MKRN2: variants seen among roughly 807,000 people sequenced by gnomAD.
MKRN2 encodes E3 ubiquitin-protein ligase makorin-2.
A neutral mutation model predicts 45.4 loss-of-function variants in MKRN2; 32 were observed. The ratio of observed to expected loss-of-function variants is 0.70; its 90% CI spans 0.53 to 0.95. The LOEUF is 0.95. MKRN2 is among the 40% of genes least tolerant of loss of function. The pLI, the probability that MKRN2 is intolerant of heterozygous loss-of-function variation, is 0.00. For synonymous variants in MKRN2, 206 were observed against 192.4 expected (o/e 1.07, Z -0.59); for missense variants, 526 against 536.7 (o/e 0.98, Z 0.20).
intron 1 of MKRN2, among the ~76,000 whole-genome samples, chr3:12,563,378 T>C (rs1444228386): frequency 6.6e-6 from 1 of 152,104 alleles, no homozygotes; most frequent in African/African-American, 2.4e-5. Flanking sequence ...TTGGGGCGGA[T>C]GTGCAGCATG....
At chr3:12,563,551 A>G (rs1301591487) in intron 1 of MKRN2, among the ~76,000 whole-genome samples, 1 of 138,714 alleles carries the variant, frequency 7.2e-6, no homozygotes, top group Non-Finnish European at 1.5e-5. Context: ...GTGCAGTGGC[A>G]CGATCTCGGC....
chr3:12,579,006 G>T (rs375929919), intron 6 of MKRN2, among the ~76,000 whole-genome samples: 14 of 152,040 alleles, frequency 9.2e-5, no homozygotes, highest in African/African-American at 3.1e-4. Context: ...GTAGAAAGGG[G>T]CTCTGCTGAA....
intron 6 of MKRN2, among the ~76,000 whole-genome samples, chr3:12,577,586 A>T (rs1162048661): frequency 6.6e-6 from 1 of 152,032 alleles, no homozygotes; most frequent in Admixed American, 6.5e-5. Flanking sequence ...GATTCTTCGT[A>T]TGTCTAGTAA....
At chr3:12,569,120 A>G (rs2058084540) in intron 2 of MKRN2, 117 bp downstream of exon 2, 1 of 1,294,330 alleles carries the variant, frequency 7.7e-7, no homozygotes, top group African/African-American at 1.5e-5. Context: ...AAGTATGGCA[A>G]ATAAGTTTAA....
Position 12,570,323 on chromosome 3 carries a change from A to G in MKRN2, c.337+71A>G. ...TTGTTAATGCTTGGTGCTCCTTTCT[A>G]GCCTCCTCTTGTCAAGAGGACTCCT... On this transcript the variant is annotated intron_variant, in intron 3 of 7. Transcript: ENST00000170447. 5 of 1,476,402 alleles carry G rather than the reference A, an allele frequency of 3.4e-6. No individual in the cohort carries two copies. The South Asian group carries it at 6.4e-5, about 19-fold the overall frequency. The allele number at this position is 1,476,402 out of a possible 1,614,324, so 91.5% of individuals were successfully genotyped here.
intron 1 of MKRN2, chr3:12,561,052 T>C (rs1318066486): frequency 6.6e-6 from 1 of 152,238 alleles, no homozygotes; most frequent in Non-Finnish European, 1.5e-5. Flanking sequence ...TGACATATGC[T>C]ACAAAAATAG....
rs534130942 is a variant in MKRN2, at chr3:12,582,190, C to T, written c.1188C>T (p.Val396=). ...ESRHVPNNED[V]DMTELGDLFM... The stretch of plus-strand genomic sequence containing the variant: ...GGCATGTCCCCAACAATGAAGATGT[C>T]GACATGACAGAGCTCGGGGACCTCT... The change falls in exon 8 of 8, where the codon GTC becomes GTT. Residue 396 remains valine, a synonymous_variant. Coordinates refer to ENST00000170447, the MANE Select transcript of MKRN2 (RefSeq NM_014160.5). 4.7e-5 allele frequency: 76 copies of T among 1,614,102 alleles called. No individual in the cohort carries two copies. Among genetic ancestry groups the T allele is most frequent in the South Asian group, 4.1e-4 (37 of 91,054 alleles).
Position 12,559,762 on chromosome 3 carries a change from C to A in MKRN2, c.26+2586C>A, listed in dbSNP as rs1462512765. Among the ~76,000 whole-genome samples the A allele has an allele frequency of 2.0e-5, 3 of 152,216 alleles. No homozygotes were observed. The East Asian group carries it at 5.8e-4, about 29-fold the overall frequency. The stretch of plus-strand genomic sequence containing the variant: ...CCTTTTTGCTGATTCCCCTCCCCCA[C>A]AACCATCTCCCTGTCTTCCAGTCTG... On this transcript the variant is annotated intron_variant, in intron 1 of 7. Coordinates refer to ENST00000170447, the MANE Select transcript of MKRN2 (RefSeq NM_014160.5).
chr3:12,557,690 G>C (rs2442819), intron 1 of MKRN2, among the ~76,000 whole-genome samples: 70,618 of 151,776 alleles, frequency 0.47, 17,863 homozygotes, highest in African/African-American at 0.66. Context: ...ACGACAGGTA[G>C]CATATTGTGA....
chr3:12,567,937 G>C (rs912794887), intron 1 of MKRN2, among the ~76,000 whole-genome samples: 1 of 152,152 alleles, frequency 6.6e-6, no homozygotes, highest in African/African-American at 2.4e-5. Context: ...TGATATCTCA[G>C]TGGAATATTC....
intron 4 of MKRN2, among the ~76,000 whole-genome samples, chr3:12,572,733 C>T (rs1297016478): frequency 6.6e-6 from 1 of 151,724 alleles, no homozygotes; most frequent in Non-Finnish European, 1.5e-5. Context: ...TACAGGCGCC[C>T]ACCACCACAC....
intron 3 of MKRN2, among the ~76,000 whole-genome samples, chr3:12,570,883 CAA>C (rs889392244): frequency 1.2e-4 from 6 of 48,774 alleles, no homozygotes; most frequent in Non-Finnish European, 1.4e-4. Context: ...GACTCCCTCT[CAA>C]AAAAAAAAAA....
At chr3:12,570,619 A>G in intron 3 of MKRN2, among the ~76,000 whole-genome samples, 1 of 152,112 alleles carries the variant, frequency 6.6e-6, no homozygotes, top group Non-Finnish European at 1.5e-5. Flanking sequence ...GCTCACACCT[A>G]TAACCCCAAC....
At chr3:12,575,594 T>C (rs1218985920) in intron 5 of MKRN2, among the ~76,000 whole-genome samples, 1 of 152,052 alleles carries the variant, frequency 6.6e-6, no homozygotes, top group Non-Finnish European at 1.5e-5. Context: ...TCAAAGACCC[T>C]CCTCAGTTAC....
At chr3:12,578,587 G>A (rs191036810) in intron 6 of MKRN2, among the ~76,000 whole-genome samples, 16 of 152,192 alleles carry the variant, frequency 1.1e-4, no homozygotes, top group Admixed American at 2.6e-4. Flanking sequence ...AAAATGCTGG[G>A]ATTACAGATG....
intron 4 of MKRN2, among the ~76,000 whole-genome samples, chr3:12,572,712 G>C (rs900972048): frequency 6.6e-6 from 1 of 151,736 alleles, no homozygotes; most frequent in African/African-American, 2.4e-5. Context: ...GCCCCACCGA[G>C]TAGCTGGGAT....
chr3:12,562,069 GCTTCCTACATCTGT>G (rs1404045974), intron 1 of MKRN2, among the ~76,000 whole-genome samples: 1 of 152,048 alleles, frequency 6.6e-6, no homozygotes, highest in Non-Finnish European at 1.5e-5. Flanking sequence ...CTGGGTGCAG[GCTTCCTACATCTGT>G]CCCTCCCTGA....
At position 12,572,335 on chromosome 3, in the gene MKRN2, C is replaced by G. The variant is rs141069425; in HGVS notation, c.604C>G (p.His202Asp). The change falls in exon 4 of 8, where the codon CAC becomes GAC. Residue 202 changes from histidine to aspartate, a missense_variant. His to Asp is a moderately conservative substitution (Grantham distance 81). Coordinates refer to ENST00000170447, the MANE Select transcript of MKRN2 (RefSeq NM_014160.5). Reference protein sequence around the residue: ...VCEICRLQVLHPFDPEQRKAH... With the variant: ...VCEICRLQVLDPFDPEQRKAH... ...TGAAATCTGTAGGCTGCAAGTCTTG[C>G]ACCCATTCGACCCAGAGCAGAGGAA... 3 of 1,602,368 alleles carry G rather than the reference C, an allele frequency of 1.9e-6. No homozygotes were observed. Among genetic ancestry groups the G allele is most frequent in the African/African-American group, 1.3e-5 (1 of 74,674 alleles).
chr3:12,575,989 C>T (rs1240010861), intron 5 of MKRN2, among the ~76,000 whole-genome samples: 1 of 152,136 alleles, frequency 6.6e-6, no homozygotes, highest in Admixed American at 6.6e-5. Context: ...CATTTGTGAA[C>T]ACAGCATGTG....
Sources: allele counts gnomAD v4.1 joint callset (sites outside exome capture counted in the v4.1 genomes callset), GRCh38; gene constraint gnomAD v4.1.1; transcripts MANE v1.5; gene names NCBI Gene and HGNC (gene_info 2026-07-23, HGNC 2026-07-21).